The following LRP1B variants were observed in gnomAD, a reference collection of about 807,000 sequenced individuals.
LRP1B encodes low-density lipoprotein receptor-related protein 1B.
A neutral mutation model predicts 556.6 loss-of-function variants in LRP1B; 217 were observed. The ratio of observed to expected loss-of-function variants is 0.39; its 90% confidence interval spans 0.35 to 0.44. LRP1B has a LOEUF of 0.44. Ranked by LOEUF, LRP1B falls within the 20% of genes least tolerant of loss-of-function variation. The pLI, the probability that LRP1B is intolerant of heterozygous loss-of-function variation, is 1.00. For synonymous variants in LRP1B, 2,047 were observed against 1,865.8 expected, an observed-to-expected ratio of 1.10 and a Z score of -2.50; for missense variants, 5,053 against 5,620.8, an observed-to-expected ratio of 0.90 and a Z score of 3.23.
At chr2:140,719,924 A>G (rs1463181533) in intron 35 of LRP1B, among the ~76,000 whole-genome samples, 2 of 152,070 alleles carry the variant, frequency 1.3e-5, no homozygotes, top group Non-Finnish European at 2.9e-5. Flanking sequence ...AATGTTTGCT[A>G]AGATAGGAAA....
At chr2:141,614,080 C>CTAAAA (rs1688203827) in intron 2 of LRP1B, among the ~76,000 whole-genome samples, 1 of 47,346 alleles carries the variant, frequency 2.1e-5, no homozygotes, top group Non-Finnish European at 3.6e-5. Flanking sequence ...AACTCAGCCT[C>CTAAAA]AAAAAAAAAA....
chr2:142,071,326 TGA>T (rs1475677373), intron 1 of LRP1B, among the ~76,000 whole-genome samples: 1 of 151,986 alleles, frequency 6.6e-6, no homozygotes, highest in Non-Finnish European at 1.5e-5. Context: ...CCTACCTTTC[TGA>T]ACCAATGCTT....
intron 2 of LRP1B, among the ~76,000 whole-genome samples, chr2:141,600,501 T>G (rs1269231313): frequency 1.3e-5 from 2 of 152,026 alleles, no homozygotes; most frequent in Non-Finnish European, 2.9e-5. Context: ...ATGATGCAGG[T>G]GAGTATCTGT....
intron 41 of LRP1B, among the ~76,000 whole-genome samples, chr2:140,629,276 T>C (rs922114819): frequency 1.3e-5 from 2 of 151,446 alleles, no homozygotes; most frequent in African/African-American, 4.9e-5. Context: ...CCATATTGAC[T>C]AGGCTGGTCT....
At chr2:141,870,684 C>T (rs1698555187) in intron 1 of LRP1B, among the ~76,000 whole-genome samples, 3 of 151,838 alleles carry the variant, frequency 2.0e-5, no homozygotes, top group African/African-American at 7.2e-5. Flanking sequence ...AAGCACAAAT[C>T]CAACTTTTCT....
At chr2:141,594,842 A>G (rs1196143034) in intron 2 of LRP1B, among the ~76,000 whole-genome samples, 1 of 152,162 alleles carries the variant, frequency 6.6e-6, no homozygotes, top group Non-Finnish European at 1.5e-5. Flanking sequence ...TTAAATATGA[A>G]CAAAGATAAA....
At chr2:141,929,405 T>C (rs1252719882) in intron 1 of LRP1B, among the ~76,000 whole-genome samples, 1 of 152,130 alleles carries the variant, frequency 6.6e-6, no homozygotes, top group Non-Finnish European at 1.5e-5. Flanking sequence ...GATTATTTTA[T>C]TTGATGTTAC....
chr2:142,007,612 G>C (rs1702840879), intron 1 of LRP1B, among the ~76,000 whole-genome samples: 1 of 152,038 alleles, frequency 6.6e-6, no homozygotes, highest in East Asian at 1.9e-4. Flanking sequence ...GCTTAAATTT[G>C]GCATGTTTAC....
At chr2:140,785,471 A>G (rs1209187476) in intron 32 of LRP1B, among the ~76,000 whole-genome samples, 1 of 152,206 alleles carries the variant, frequency 6.6e-6, no homozygotes, top group African/African-American at 2.4e-5. Flanking sequence ...ATACAAGTTA[A>G]GGGGACAGCC....
chr2:140,633,218 A>G (rs1026291088), intron 41 of LRP1B, among the ~76,000 whole-genome samples: 1 of 152,178 alleles, frequency 6.6e-6, no homozygotes, highest in Non-Finnish European at 1.5e-5. Flanking sequence ...ACACACAACT[A>G]AGTAACACGA....
At chr2:141,637,341 G>A (rs1163089029) in intron 2 of LRP1B, among the ~76,000 whole-genome samples, 1 of 151,986 alleles carries the variant, frequency 6.6e-6, no homozygotes, top group African/African-American at 2.4e-5. Context: ...GGGTTCTTGG[G>A]GGCATAAAAC....
chr2:140,908,368 A>ATATG (rs1491022301), intron 21 of LRP1B, among the ~76,000 whole-genome samples: 9 of 1,386 alleles, frequency 6.5e-3, no homozygotes, highest in African/African-American at 0.011. Context: ...TTTATATAAT[A>ATATG]TATATATATA....
At chr2:140,454,664 T>A (rs1687024487) in intron 62 of LRP1B, among the ~76,000 whole-genome samples, 1 of 152,200 alleles carries the variant, frequency 6.6e-6, no homozygotes, top group Non-Finnish European at 1.5e-5. Flanking sequence ...AATTGGGAAA[T>A]AATTTTATTA....
chr2:141,207,628 T>C (rs560436453), intron 6 of LRP1B, among the ~76,000 whole-genome samples: 12 of 152,168 alleles, frequency 7.9e-5, no homozygotes, highest in Middle Eastern at 3.4e-3. Context: ...GACTAACAAT[T>C]AATATTCTCT....
intron 2 of LRP1B, among the ~76,000 whole-genome samples, chr2:141,530,421 G>A (rs1295792296): frequency 1.3e-5 from 2 of 151,974 alleles, no homozygotes; most frequent in Non-Finnish European, 2.9e-5. Context: ...TGATCCCTGG[G>A]TAATAGTCTT....
chr2:141,533,993 G>C (rs912497229), intron 2 of LRP1B, among the ~76,000 whole-genome samples: 1 of 152,002 alleles, frequency 6.6e-6, no homozygotes, highest in African/African-American at 2.4e-5. Flanking sequence ...TTTCAAGAGT[G>C]GTTAATGATT....
rs191586931 is a variant in LRP1B at position 140,446,258 on chromosome 2, A to G, written c.10058-1579T>C. Among the ~76,000 whole-genome samples the G allele has an allele frequency of 2.8e-4, 43 of 152,250 alleles. 1 individual carries two copies. Among genetic ancestry groups the G allele is most frequent in the African/African-American group, 1.0e-3 (43 of 41,552 alleles). ...CCTCCACCAGAAAAAGGTTGCAACT[A>G]TTAAAGGAATGCTTTGAAATAACTT... On this transcript the variant is annotated intron_variant, in intron 63 of 90. Transcript: ENST00000389484.
At chr2:141,823,530 TAA>T (rs1696823135) in intron 1 of LRP1B, among the ~76,000 whole-genome samples, 1 of 152,110 alleles carries the variant, frequency 6.6e-6, no homozygotes, top group African/African-American at 2.4e-5. Flanking sequence ...AGCATTTTAA[TAA>T]AAGAATACAA....
chr2:140,925,689 G>A (rs1033640943), intron 20 of LRP1B, among the ~76,000 whole-genome samples: 1 of 152,136 alleles, frequency 6.6e-6, no homozygotes, highest in African/African-American at 2.4e-5. Context: ...CTGTTCCTCA[G>A]TATGTTTGAC....
Sources: allele counts gnomAD v4.1 joint callset (sites outside exome capture counted in the v4.1 genomes callset), GRCh38; gene constraint gnomAD v4.1.1; transcripts MANE v1.5; gene names NCBI Gene and HGNC (gene_info 2026-07-23, HGNC 2026-07-21).